The following INTS14 variants were observed in gnomAD, a reference collection of about 807,000 sequenced individuals.
INTS14 encodes UPF0464 protein C15orf44.
Under a neutral mutation model 56.9 loss-of-function variants are expected in INTS14, and 27 were observed. The observed-to-expected ratio is 0.47, with a 90% CI of 0.35 to 0.65. The LOEUF (loss-of-function observed/expected upper bound fraction) is 0.65, where lower values mean the gene tolerates loss of function less well. Ranked by LOEUF, INTS14 falls within the 30% of genes least tolerant of loss-of-function variation. INTS14 has a pLI of 0.00. For missense variants in INTS14, 517 were observed against 632.2 expected (o/e 0.82, Z 1.95); for synonymous variants, 207 against 236.2 (o/e 0.88, Z 1.13).
chr15:65,591,794 G>C lies in INTS14; in HGVS notation c.987-63C>G, dbSNP rs1596246686. The C allele has an allele frequency of 9.6e-6, 15 of 1,557,214 alleles. No individual in the cohort carries two copies. In the East Asian group the frequency reaches 2.9e-4, roughly 30 times the overall value. ...AGCCTGAGACTGTCAAGTTAAATAA[G>C]TCTAGCCTGTATTTTTCTCTTGAGA... is the stretch of plus-strand genomic sequence containing the variant. On this transcript the variant is annotated intron_variant, in intron 8 of 11. Coordinates refer to ENST00000313182, the MANE Select transcript of INTS14 (RefSeq NM_001394796.1).
chr15:65,609,510 T>C (rs1052302285), intron 1 of INTS14, among the ~76,000 whole-genome samples: 1 of 152,138 alleles, frequency 6.6e-6, no homozygotes, highest in African/African-American at 2.4e-5. Flanking sequence ...CCATGATGTC[T>C]CCTCAAAACT....
At chr15:65,583,425 A>C (rs2072700713) in intron 10 of INTS14, among the ~76,000 whole-genome samples, 2 of 152,238 alleles carry the variant, frequency 1.3e-5, no homozygotes, top group Non-Finnish European at 2.9e-5. Context: ...ACAAGAAGTC[A>C]AACACAAAAG....
At chr15:65,610,923 G>A (rs1413445602) in intron 1 of INTS14, 175 bp downstream of exon 1, 1 of 1,464,890 alleles carries the variant, frequency 6.8e-7, no homozygotes, top group Non-Finnish European at 9.0e-7. Context: ...CTCAGAGCGA[G>A]GGGAGGCCGG....
chr15:65,582,061 G>A (rs1301935449), intron 10 of INTS14, 42 bp from the exon 11 acceptor site: 2 of 1,491,192 alleles, frequency 1.3e-6, no homozygotes, highest in South Asian at 2.4e-5. Flanking sequence ...AGAATTCTGT[G>A]GTAAAAAAGG....
intron 1 of INTS14, chr15:65,610,781 G>C (rs1330313367): frequency 6.5e-7 from 1 of 1,535,638 alleles, no homozygotes; most frequent in South Asian, 1.2e-5. Flanking sequence ...TCACATCTGG[G>C]AGATGTATTT....
At position 65,596,150 on chromosome 15, in the gene INTS14, G is replaced by C. The variant is rs954415829; in HGVS notation, c.749-325C>G. Among the ~76,000 whole-genome samples the C allele has an allele frequency of 2.0e-5, 3 of 152,160 alleles. No homozygotes were observed. In the South Asian group the frequency reaches 6.2e-4, roughly 32 times the overall value. ...GTCAGGGATGTTCAGGTCACCAGGG[G>C]GCATCATAGTCAAACACTTCCGCAG... On this transcript the variant is annotated intron_variant, in intron 6 of 11. Coordinates refer to ENST00000313182, the MANE Select transcript of INTS14 (RefSeq NM_001394796.1).
rs2073289780 is a variant in INTS14, at chr15:65,598,328, A to G, written c.741T>C (p.Ile247=). 1.2e-6 allele frequency: 2 copies of G among 1,612,734 alleles called. No individual in the cohort carries two copies. Among genetic ancestry groups the G allele is most frequent in the Non-Finnish European group, 1.7e-6 (2 of 1,179,536 alleles). Residue 247 remains isoleucine (I), a synonymous_variant, in exon 6 of 12, where the codon ATT becomes ATC. Coordinates refer to ENST00000313182, the MANE Select transcript of INTS14 (RefSeq NM_001394796.1). ...DEEIDPIPKV[I]NTDLEIVGFI... ...GTTTTTTTAAAAAGTTACCTGTGTT[A>G]ATGACTTTAGGGATAGGATCAATTT...
In INTS14 at chr15:65,585,407, C is replaced by T. The variant is rs74450123; in HGVS notation, c.1121-519G>A. 3.0e-3 allele frequency among the ~76,000 whole-genome samples: 463 copies of T among 152,106 alleles called. 3 individuals carry two copies. Among genetic ancestry groups the T allele is most frequent in the African/African-American group, 0.011 (441 of 41,498 alleles). Reference sequence around the variant, plus strand: ...TTAAATTTAATGTGGCTAGTAGCTACTGGATTAGACAGCATAGGTCTAGGC... The same window carrying T: ...TTAAATTTAATGTGGCTAGTAGCTATTGGATTAGACAGCATAGGTCTAGGC... On this transcript the variant is annotated intron_variant, in intron 9 of 11. Coordinates refer to ENST00000313182, the MANE Select transcript of INTS14 (RefSeq NM_001394796.1).
rs919371645 is a variant in INTS14 at position 65,610,443 on chromosome 15, C to A, written c.-63+655G>T. On this transcript the variant is annotated intron_variant, in intron 1 of 11. Coordinates refer to ENST00000313182, the MANE Select transcript of INTS14 (RefSeq NM_001394796.1). The stretch of plus-strand genomic sequence containing the variant: ...ATTCCTCACTTGGGTGGATTCTGAG[C>A]CCCCAAGTCTCCCACCCCCACCCCC... Among the ~76,000 whole-genome samples the A allele has an allele frequency of 7.9e-5, 12 of 152,098 alleles. 1 individual carries two copies. In the South Asian group the frequency reaches 1.9e-3, roughly 24 times the overall value.
intron 7 of INTS14, among the ~76,000 whole-genome samples, chr15:65,594,269 ATC>A (rs1035935661): frequency 1.3e-5 from 2 of 152,208 alleles, no homozygotes; most frequent in African/African-American, 4.8e-5. Context: ...CTCTAAAAAT[ATC>A]TGTCTGCTCT....
intron 10 of INTS14, among the ~76,000 whole-genome samples, chr15:65,583,165 C>T (rs770363282): frequency 3.9e-5 from 6 of 151,978 alleles, no homozygotes; most frequent in Non-Finnish European, 7.4e-5. Context: ...GCTGTCTGAC[C>T]CAGCAATCCC....
intron 3 of INTS14, among the ~76,000 whole-genome samples, chr15:65,602,529 C>T (rs896110461): frequency 2.6e-5 from 4 of 152,082 alleles, no homozygotes; most frequent in African/African-American, 9.7e-5. Context: ...AGGTGATCTG[C>T]CCACCTCAGC....
At chr15:65,595,977 A>G (rs569495460) in intron 6 of INTS14, 152 bp from the exon 7 acceptor site, 8 of 580,618 alleles carry the variant, frequency 1.4e-5, no homozygotes, top group East Asian at 3.2e-5. Flanking sequence ...GTCGTCTAAT[A>G]ATTTGCATTT....
intron 1 of INTS14, among the ~76,000 whole-genome samples, chr15:65,608,989 C>CCGGGTTCACGCCATTCTCCTGCCT (rs1244943953): frequency 2.0e-5 from 3 of 152,238 alleles, no homozygotes; most frequent in Non-Finnish European, 2.9e-5. Flanking sequence ...GCACCGCCTC[C>CCGGGTTCACGCCATTCTCCTGCCT]CGGGTTCACG....
rs535984754 is a variant in INTS14 at position 65,599,282 on chromosome 15, G to A, written c.487-292C>T. The A allele has an allele frequency of 2.1e-5, 5 of 242,850 alleles. No homozygotes were observed. In the East Asian group the frequency reaches 3.5e-4, roughly 17 times the overall value. The allele number at this position is 242,850 out of a possible 1,614,324, so 15.0% of individuals were successfully genotyped here. ...ATCTTCCCTCCAAAGTGTTTCTAAC[G>A]TCTTTTGGTGAGAACCATCATTATC... On this transcript the variant is annotated intron_variant, in intron 4 of 11. Transcript: ENST00000313182.
chr15:65,593,601 C>T, intron 7 of INTS14, 29 bp from the exon 8 acceptor site: 1 of 1,596,514 alleles, frequency 6.3e-7, no homozygotes, highest in Non-Finnish European at 8.5e-7. Flanking sequence ...ACAGGTCAGA[C>T]TGAAATTACC....
intron 11 of INTS14, among the ~76,000 whole-genome samples, 176 bp from the exon 12 acceptor site, chr15:65,579,835 T>C (rs2072524823): frequency 6.6e-6 from 1 of 152,210 alleles, no homozygotes; most frequent in African/African-American, 2.4e-5. Flanking sequence ...TACTGGGAAG[T>C]GGTTCCTCTG....
chr15:65,580,212 T>C, intron 11 of INTS14, among the ~76,000 whole-genome samples: 1 of 152,054 alleles, frequency 6.6e-6, no homozygotes, highest in Non-Finnish European at 1.5e-5. Flanking sequence ...TCTGGGCAAG[T>C]TATATAGCCT....
At chr15:65,586,403 G>A (rs1307475565) in intron 9 of INTS14, 1 of 152,192 alleles carries the variant, frequency 6.6e-6, no homozygotes, top group African/African-American at 2.4e-5. Context: ...CAACACTGCT[G>A]TTCCTTACTT....
Sources: allele counts gnomAD v4.1 joint callset (sites outside exome capture counted in the v4.1 genomes callset), GRCh38; gene constraint gnomAD v4.1.1; transcripts MANE v1.5; gene names NCBI Gene and HGNC (gene_info 2026-07-23, HGNC 2026-07-21).